The following ADCY7 variants were observed in gnomAD, a reference collection of about 807,000 sequenced individuals.
The protein encoded by ADCY7 is adenylate cyclase 7, also known as adenylate cyclase type 7.
A neutral mutation model predicts 120.6 loss-of-function variants in ADCY7; 72 were observed. The observed-to-expected ratio is 0.60, with a 90% CI of 0.49 to 0.73. The LOEUF (loss-of-function observed/expected upper bound fraction) is 0.73. Among genes scored for constraint, ADCY7 ranks in the 30% least tolerant of loss-of-function variants. ADCY7 has a pLI of 0.00. For missense variants in ADCY7, 1,227 were observed against 1,486.0 expected (o/e 0.83, Z 2.87); for synonymous variants, 661 against 628.0 (o/e 1.05, Z -0.78).
At chr16:50,247,072 AATGAATGC>A (rs1567523604) in intron 1 of ADCY7, among the ~76,000 whole-genome samples, 1 of 152,220 alleles carries the variant, frequency 6.6e-6, no homozygotes, top group Non-Finnish European at 1.5e-5. Context: ...TGAATGAATG[AATGAATGC>A]ATGACCAACA....
chr16:50,258,046 A>G (rs1413755369), intron 1 of ADCY7, among the ~76,000 whole-genome samples: 1 of 152,064 alleles, frequency 6.6e-6, no homozygotes, highest in Non-Finnish European at 1.5e-5. Context: ...TGCCTGGCCT[A>G]TATGTTAATA....
chr16:50,302,445 T>C (rs1204106690), intron 10 of ADCY7, among the ~76,000 whole-genome samples: 3 of 152,210 alleles, frequency 2.0e-5, no homozygotes, highest in Non-Finnish European at 4.4e-5. Context: ...CAGGGAAAAC[T>C]GCAGGCTGCC....
At chr16:50,303,021 G>A (rs1186564868) in intron 10 of ADCY7, among the ~76,000 whole-genome samples, 2 of 152,260 alleles carry the variant, frequency 1.3e-5, no homozygotes, top group South Asian at 2.1e-4. Flanking sequence ...TGCCCATTCC[G>A]AGTAGGCATG....
chr16:50,285,537 G>T (rs915155088), intron 1 of ADCY7, among the ~76,000 whole-genome samples: 2 of 152,146 alleles, frequency 1.3e-5, no homozygotes, highest in African/African-American at 4.8e-5. Context: ...TCTTCCCTCC[G>T]CTGGACCAGC....
At chr16:50,305,885 G>T (rs568447710) in intron 14 of ADCY7, 36 bp downstream of exon 14, 40 of 1,602,166 alleles carry the variant, frequency 2.5e-5, no homozygotes, top group Non-Finnish European at 3.2e-5. Flanking sequence ...GCAGAGGGAC[G>T]GGGTCTCCAG....
At chr16:50,311,035 A>T (rs765644192) in intron 19 of ADCY7, among the ~76,000 whole-genome samples, 155 bp downstream of exon 19, 13 of 152,168 alleles carry the variant, frequency 8.5e-5, no homozygotes, top group African/African-American at 2.4e-4. Flanking sequence ...CGAGGAATTC[A>T]CTGGCAGGTT....
upstream of ADCY7, among the ~76,000 whole-genome samples, chr16:50,262,396 T>A (rs2033082268): frequency 6.6e-6 from 1 of 152,118 alleles, no homozygotes; most frequent in African/African-American, 2.4e-5. Flanking sequence ...TAGCTGGGAT[T>A]CAGGTGCCCG....
chr16:50,311,916 C>T, intron 20 of ADCY7, 120 bp from the exon 21 acceptor site: 1 of 1,489,178 alleles, frequency 6.7e-7, no homozygotes. Flanking sequence ...CAGGAAAGCA[C>T]TGGTCCCCTG....
chr16:50,256,389 G>C (rs1026888557), intron 1 of ADCY7, among the ~76,000 whole-genome samples: 1 of 152,158 alleles, frequency 6.6e-6, no homozygotes, highest in African/African-American at 2.4e-5. Context: ...TCTCACACCT[G>C]TTAGAATGGC....
chr16:50,265,944 C>T (rs1188826154), upstream of ADCY7, among the ~76,000 whole-genome samples: 1 of 152,216 alleles, frequency 6.6e-6, no homozygotes, highest in Non-Finnish European at 1.5e-5. Flanking sequence ...GGGTTTGATT[C>T]CCAGCCTCAT....
chr16:50,311,408 A>G (rs2036449768), intron 19 of ADCY7, among the ~76,000 whole-genome samples: 1 of 152,116 alleles, frequency 6.6e-6, no homozygotes, highest in African/African-American at 2.4e-5. Flanking sequence ...CCCGCCTGCC[A>G]CTGACCCTGG....
intron 17 of ADCY7, 124 bp downstream of exon 17, chr16:50,308,916 G>A (rs2036263897): frequency 2.3e-6 from 3 of 1,282,046 alleles, no homozygotes; most frequent in African/African-American, 1.5e-5. Flanking sequence ...GCAGGTGGAT[G>A]TGGGGGGTTC....
intron 1 of ADCY7, among the ~76,000 whole-genome samples, chr16:50,248,841 A>C (rs899418170): frequency 2.6e-5 from 4 of 152,216 alleles, no homozygotes. Context: ...ATTTCAGTAC[A>C]CAATAGCCTC....
intron 1 of ADCY7, among the ~76,000 whole-genome samples, chr16:50,279,205 C>A (rs962162951): frequency 3.3e-5 from 5 of 152,158 alleles, no homozygotes; most frequent in African/African-American, 1.2e-4. Context: ...CAGCCCCATT[C>A]ATGTCTTGCT....
intron 1 of ADCY7, among the ~76,000 whole-genome samples, 182 bp from the exon 2 acceptor site, chr16:50,287,730 A>G (rs1457171577): frequency 6.6e-6 from 1 of 150,890 alleles, no homozygotes; most frequent in East Asian, 2.0e-4. Context: ...ACTATCTTGG[A>G]CAGTGCAGTC....
Position 50,301,213 on chromosome 16 carries a change from G to A in ADCY7, c.1367G>A (p.Arg456Gln), listed in dbSNP as rs369723337. Residue 456 changes from arginine to glutamine, a missense_variant and splice_region_variant, in exon 10 of 26, where the codon CGG becomes CAG. This residue lies in a region of ADCY7 where 332 missense variants were observed against 455.8 expected (regional missense o/e 0.73). Transcript: ENST00000673801. ...NIRTYLVIDPRSQQPPPPSQH... is the reference protein window; with the variant it reads ...NIRTYLVIDPQSQQPPPPSQH... Reference sequence around the variant, plus strand: ...CGCACCTACCTGGTCATCGACCCCCGGGTACGAGGGCTCAGAGGCCGCAGC... The same window carrying A: ...CGCACCTACCTGGTCATCGACCCCCAGGTACGAGGGCTCAGAGGCCGCAGC... 44 of 1,586,232 alleles carry A rather than the reference G, an allele frequency of 2.8e-5. No homozygotes were observed. Among genetic ancestry groups the A allele is most frequent in the East Asian group, 6.9e-5 (3 of 43,348 alleles).
intron 1 of ADCY7, among the ~76,000 whole-genome samples, chr16:50,250,589 T>C (rs995525310): frequency 6.6e-6 from 1 of 151,108 alleles, no homozygotes; most frequent in Non-Finnish European, 1.5e-5. Context: ...GACAATGTGG[T>C]GAAACTCTGT....
intron 7 of ADCY7, 106 bp downstream of exon 7, chr16:50,294,857 G>A (rs1002811299): frequency 9.2e-6 from 7 of 759,598 alleles, no homozygotes; most frequent in East Asian, 2.8e-5. Context: ...ATGGGGAGGC[G>A]TGGCTGAATT....
Position 50,305,528 on chromosome 16 carries a change from G to C in ADCY7, c.1621G>C (p.Glu541Gln), listed in dbSNP as rs758940213. The change falls in exon 13 of 26, where the codon GAG becomes CAG. Residue 541 changes from glutamate (E) to glutamine (Q), a missense_variant. By Grantham distance (29) the Glu-to-Gln change is conservative. Transcript: ENST00000673801. ...DRSMSPKGRSEDDSYDDEMLS... is the reference protein window; with the variant it reads ...DRSMSPKGRSQDDSYDDEMLS... The stretch of plus-strand genomic sequence containing the variant: ...AAGCATGTCCCCCAAGGGGCGGTCG[G>C]AGGATGACTCGTACGATGACGAGAT... The C allele has an allele frequency of 6.7e-5, 108 of 1,611,652 alleles. No individual in the cohort carries two copies. Among genetic ancestry groups the C allele is most frequent in the Non-Finnish European group, 8.9e-5 (105 of 1,178,874 alleles).
Sources: gnomAD v4.1 joint callset for allele counts (sites outside exome capture counted in the v4.1 genomes callset) on GRCh38, gnomAD v4.1.1 for gene constraint, gnomAD v4.1.1 regional missense constraint, MANE v1.5 for transcripts, NCBI Gene and HGNC (gene_info 2026-07-23, HGNC 2026-07-21) for gene names.